The following BAZ1B variants were observed in gnomAD, a reference collection of about 807,000 sequenced individuals.
BAZ1B encodes tyrosine-protein kinase BAZ1B.
Under a neutral mutation model 153.8 loss-of-function variants are expected in BAZ1B, and 22 were observed. That is an observed-to-expected ratio of 0.14 (90% CI 0.10 to 0.20). BAZ1B has a LOEUF of 0.20. BAZ1B is among the 10% of genes least tolerant of loss of function. BAZ1B has a pLI of 1.00. For missense variants in BAZ1B, 1,325 were observed against 1,799.3 expected, an observed-to-expected ratio of 0.74 and a Z score of 4.77; for synonymous variants, 676 against 633.4, an observed-to-expected ratio of 1.07 and a Z score of -1.01.
chr7:73,470,935 A>T (rs1431985224), intron 7 of BAZ1B, among the ~76,000 whole-genome samples: 1 of 152,130 alleles, frequency 6.6e-6, no homozygotes, highest in Non-Finnish European at 1.5e-5. Flanking sequence ...GGGTTTCCCC[A>T]TGTTGTCCAG....
chr7:73,453,917 G>A (rs1788103409), intron 13 of BAZ1B, among the ~76,000 whole-genome samples: 1 of 152,172 alleles, frequency 6.6e-6, no homozygotes, highest in Admixed American at 6.6e-5. Flanking sequence ...GTTTGAGGCT[G>A]TAGTGAGCCA....
At chr7:73,449,811 C>A (rs532955853) in intron 14 of BAZ1B, 122 bp from the exon 15 acceptor site, 2 of 1,064,078 alleles carry the variant, frequency 1.9e-6, no homozygotes, top group South Asian at 2.1e-5. Context: ...TAGAATGCTA[C>A]CCAGTTGTTG....
chr7:73,447,943 G>C (rs1318212408), intron 15 of BAZ1B, among the ~76,000 whole-genome samples: 1 of 152,206 alleles, frequency 6.6e-6, no homozygotes, highest in Non-Finnish European at 1.5e-5. Context: ...AGTGCAGCTG[G>C]GATGGAGTGC....
At chr7:73,462,718 TAA>T in intron 12 of BAZ1B, 1 of 583,518 alleles carries the variant, frequency 1.7e-6, no homozygotes, top group Non-Finnish European at 3.0e-6. Context: ...AGCCAATTAC[TAA>T]GTTTTTCTGG....
chr7:73,466,348 C>T lies in BAZ1B; in HGVS notation c.2920G>A (p.Ala974Thr), dbSNP rs1788582928. The T allele has an allele frequency of 6.2e-7, 1 of 1,613,886 alleles. No homozygotes were observed. The highest frequency in any genetic ancestry group is 1.1e-5 in the South Asian group (1 of 91,084). The change falls in exon 10 of 20, where the codon GCA (alanine) becomes ACA (threonine). Residue 974 changes from alanine (A) to threonine (T), a missense_variant. Physicochemically the swap from Ala to Thr is moderately conservative, Grantham distance 58. This residue lies in a region of BAZ1B where 431 missense variants were observed against 563.5 expected (regional missense o/e 0.76). Transcript: ENST00000339594. ...GTTGTCTCTACAGCAACTTCTGTTG[C>T]TGTTCCATGTTGTGTGTTCATGCTT... is the stretch of plus-strand genomic sequence containing the variant. ...NASMNTQHGT[A>T]TEVAVETTTP...
intron 3 of BAZ1B, among the ~76,000 whole-genome samples, chr7:73,505,302 AG>A (rs1317083940): frequency 2.0e-5 from 3 of 152,300 alleles, no homozygotes; most frequent in Middle Eastern, 3.4e-3. Flanking sequence ...TTCACAACTC[AG>A]GGGACAGCAA....
chr7:73,511,964 G>A (rs1554578646), intron 1 of BAZ1B, among the ~76,000 whole-genome samples: 1 of 142,376 alleles, frequency 7.0e-6, no homozygotes, highest in African/African-American at 2.6e-5. Context: ...CTGGGAGGCC[G>A]TTGCAGTGAG....
Position 73,521,858 on chromosome 7 carries a change from G to C in BAZ1B, c.76C>G (p.Pro26Ala), listed in dbSNP as rs868986351. 7.9e-6 allele frequency: 12 copies of C among 1,510,592 alleles called. No homozygotes were observed. The Admixed American group carries it at 1.2e-4, about 16-fold the overall frequency. The allele number at this position is 1,510,592 out of a possible 1,614,324, so 93.6% of individuals were successfully genotyped here. ...GTGCGGAAGGCCTCCTGAGTGTGCG[G>C]GATGGTGAAGAGCGGCTCCTCTCCG... The part of the protein sequence containing the change: ...LPGEEPLFTI[P>A]HTQEAFRTRE... Residue 26 changes from proline to alanine, a missense_variant, in exon 1 of 20, where the codon CCG becomes GCG. By Grantham distance (27) the Pro-to-Ala change is conservative (BLOSUM62 -1). This residue lies in a region of BAZ1B where 61 missense variants were observed against 61.5 expected (regional missense o/e 0.99). Coordinates refer to ENST00000339594, the MANE Select transcript of BAZ1B (RefSeq NM_032408.4).
Position 73,477,478 on chromosome 7 carries a change from G to C in BAZ1B, c.1983C>G (p.Thr661=). The change falls in exon 7 of 20, where the codon ACC becomes ACG. Residue 661 remains threonine, a synonymous_variant. Transcript: ENST00000339594. This position sits in a 1 kb window ranked among gnomAD's most constrained non-coding sequence, Gnocchi z 5.6. ...CTTCTGCTATCTCATCTTGTAGGAG[G>C]GTCTGTAAGAGGATGACCAACACCC... is the stretch of plus-strand genomic sequence containing the variant. ...LNRVLVILLQ[T]LLQDEIAEDY... The C allele has an allele frequency of 6.2e-7, 1 of 1,614,164 alleles. No individual in the cohort carries two copies. The highest frequency in any genetic ancestry group is 8.5e-7 in the Non-Finnish European group (1 of 1,180,038).
chr7:73,478,478 A>G lies in BAZ1B; in HGVS notation c.983T>C (p.Leu328Pro). ...TAACTTAGGATTTAGTGGTGAACTA[A>G]GAGAAGAGTTGTCTGTCTTGGATTT... ...SKKSKTDNSS[L>P]SSPLNPKLWC... The change falls in exon 7 of 20, where the codon CTT (leucine) becomes CCT (proline). Residue 328 changes from leucine to proline, a missense_variant. Physicochemically the swap from Leu to Pro is moderately conservative, Grantham distance 98. This residue lies in a region of BAZ1B where 219 missense variants were observed against 248.2 expected (regional missense o/e 0.88). Coordinates refer to ENST00000339594, the MANE Select transcript of BAZ1B (RefSeq NM_032408.4). The G allele has an allele frequency of 6.2e-7, 1 of 1,610,280 alleles. No homozygotes were observed. The highest frequency in any genetic ancestry group is 1.1e-5 in the South Asian group (1 of 90,182).
rs1006974420 is a variant in BAZ1B at position 73,521,856 on chromosome 7, C to A, written c.78G>T (p.Pro26=). 5.3e-6 allele frequency: 8 copies of A among 1,509,408 alleles called. No homozygotes were observed. The highest frequency in any genetic ancestry group is 4.4e-6 in the Non-Finnish European group (5 of 1,124,936). 93.5% of individuals were successfully genotyped at this position (1,509,408 alleles called of 1,614,324 possible). ...GGGTGCGGAAGGCCTCCTGAGTGTG[C>A]GGGATGGTGAAGAGCGGCTCCTCTC... ...LPGEEPLFTI[P]HTQEAFRTRE... is the part of the protein sequence containing the mutation. The change falls in exon 1 of 20, where the codon CCG becomes CCT. Residue 26 remains proline, a synonymous_variant. Transcript: ENST00000339594.
rs190569723 is a variant in BAZ1B, at chr7:73,501,009, C to T, written c.370-2311G>A. 1.5e-3 allele frequency among the ~76,000 whole-genome samples: 221 copies of T among 152,172 alleles called. 1 individual carries two copies. Among genetic ancestry groups the T allele is most frequent in the African/African-American group, 4.9e-3 (205 of 41,526 alleles). On this transcript the variant is annotated intron_variant, in intron 3 of 19. Coordinates refer to ENST00000339594, the MANE Select transcript of BAZ1B (RefSeq NM_032408.4). ...CAGTGGCTCACACCTGTAATCCCAG[C>T]GCTTTGGGAGGCCCAGGCAGGCGGA...
At chr7:73,513,613 T>A (rs1259021218) in intron 1 of BAZ1B, among the ~76,000 whole-genome samples, 1 of 152,168 alleles carries the variant, frequency 6.6e-6, no homozygotes, top group Non-Finnish European at 1.5e-5. Flanking sequence ...ATTTGTCTTA[T>A]TTTTGTCTAC....
Position 73,463,065 on chromosome 7 carries a change from G to A in BAZ1B, c.3106C>T (p.Arg1036Trp), listed in dbSNP as rs973972719. ...QDIIHSIHLA[R>W]KPNLGLKSCD... ...GATTTTAGACCCAAATTTGGCTTCCGTGCTAGATGAATAGAGTGAATAATG... is the reference window on the plus strand; with the variant it reads ...GATTTTAGACCCAAATTTGGCTTCCATGCTAGATGAATAGAGTGAATAATG... Residue 1036 changes from arginine (R) to tryptophan (W), a missense_variant, in exon 12 of 20, where the codon CGG (arginine) becomes TGG (tryptophan). Arg to Trp is a moderately radical substitution (Grantham distance 101). Coordinates refer to ENST00000339594, the MANE Select transcript of BAZ1B (RefSeq NM_032408.4). 4 of 1,613,876 alleles carry A rather than the reference G, an allele frequency of 2.5e-6. No individual in the cohort carries two copies. Among genetic ancestry groups the A allele is most frequent in the Non-Finnish European group, 3.4e-6 (4 of 1,179,922 alleles).
At chr7:73,480,127 C>T (rs1393826058) in intron 6 of BAZ1B, among the ~76,000 whole-genome samples, 5 of 150,272 alleles carry the variant, frequency 3.3e-5, no homozygotes. Flanking sequence ...CACTGCACTC[C>T]AGCTTGGGCG....
At chr7:73,472,728 C>G (rs1272265725) in intron 7 of BAZ1B, among the ~76,000 whole-genome samples, 1 of 145,154 alleles carries the variant, frequency 6.9e-6, no homozygotes, top group Non-Finnish European at 1.5e-5. Context: ...AGGCGTGTGC[C>G]ACCACAGCCA....
intron 16 of BAZ1B, among the ~76,000 whole-genome samples, chr7:73,446,222 G>C (rs1787830253): frequency 6.6e-6 from 1 of 152,102 alleles, no homozygotes; most frequent in Non-Finnish European, 1.5e-5. Flanking sequence ...ATGATCTTGG[G>C]AACTGTACCA....
chr7:73,507,733 A>G (rs543162730), intron 3 of BAZ1B, among the ~76,000 whole-genome samples: 9 of 152,354 alleles, frequency 5.9e-5, no homozygotes, highest in Non-Finnish European at 8.8e-5. Context: ...GAGTGATGGC[A>G]CATGCCTGCA....
At chr7:73,481,709 T>A (rs1451203265) in intron 6 of BAZ1B, among the ~76,000 whole-genome samples, 1 of 151,710 alleles carries the variant, frequency 6.6e-6, no homozygotes, top group Non-Finnish European at 1.5e-5. Flanking sequence ...AACTGCAGGT[T>A]ATTGTTCCTC....
Sources: allele counts gnomAD v4.1 joint callset (sites outside exome capture counted in the v4.1 genomes callset), GRCh38; gene constraint gnomAD v4.1.1; regional missense constraint gnomAD v4.1.1; non-coding constraint Gnocchi (gnomAD v3.1); transcripts MANE v1.5; gene names NCBI Gene and HGNC (gene_info 2026-07-23, HGNC 2026-07-21).